The following ITFG1 variants were observed in gnomAD, a reference collection of about 807,000 sequenced individuals.
The protein encoded by ITFG1 is T-cell immunomodulatory protein.
In ITFG1, 34 loss-of-function variants were observed where a neutral mutation model predicts 81.8. That is an observed-to-expected ratio of 0.42 (90% CI 0.32 to 0.55). The LOEUF (loss-of-function observed/expected upper bound fraction) is 0.55. Among genes scored for constraint, ITFG1 ranks in the 20% least tolerant of loss-of-function variants. The pLI, the probability that ITFG1 is intolerant of heterozygous loss-of-function variation, is 0.17. For synonymous variants in ITFG1, 285 were observed against 270.6 expected (o/e 1.05, Z -0.52); for missense variants, 672 against 755.4 (o/e 0.89, Z 1.29).
chr16:47,164,074 A>G (rs932899982), intron 14 of ITFG1, among the ~76,000 whole-genome samples: 6 of 151,982 alleles, frequency 3.9e-5, no homozygotes, highest in Admixed American at 2.0e-4. Flanking sequence ...TGTATGTCTT[A>G]TAATTTTTGT....
In ITFG1 at chr16:47,313,761, T is replaced by C. The variant is rs1567456332; in HGVS notation, c.865A>G (p.Thr289Ala). ...GCEDKNCQKS[T>A]IYLVRSGMKQ... ...ATCCCAGATCTCACTAAGTAGATGG[T>C]ACTCTTTTGGCAATTTTTATCTTCA... The change falls in exon 9 of 18, where the codon ACC becomes GCC. Residue 289 changes from threonine to alanine, a missense_variant. Physicochemically the swap from Thr to Ala is moderately conservative, Grantham distance 58. Transcript: ENST00000320640. The C allele has an allele frequency of 1.2e-6, 2 of 1,606,692 alleles. No homozygotes were observed. Among genetic ancestry groups the C allele is most frequent in the East Asian group, 2.2e-5 (1 of 44,626 alleles).
chr16:47,351,970 A>G (rs570745996), intron 8 of ITFG1, among the ~76,000 whole-genome samples: 156 of 152,356 alleles, frequency 1.0e-3, no homozygotes, highest in Non-Finnish European at 1.6e-3. Flanking sequence ...AGGATTCCGT[A>G]TTTAACAAAT....
chr16:47,198,539 T>C (rs1026895433), intron 14 of ITFG1, among the ~76,000 whole-genome samples: 1 of 152,246 alleles, frequency 6.6e-6, no homozygotes, highest in Non-Finnish European at 1.5e-5. Flanking sequence ...ACTGTACTTT[T>C]AATCATTCTT....
chr16:47,275,939 T>C lies in ITFG1; in HGVS notation c.1071-15244A>G, dbSNP rs1489181130. Among the ~76,000 whole-genome samples, 3 of 152,116 alleles carry C rather than the reference T, an allele frequency of 2.0e-5. No homozygotes were observed. The East Asian group carries it at 5.8e-4, about 29-fold the overall frequency. The stretch of plus-strand genomic sequence containing the variant: ...TATTTACATTCTATTAAGTCATACA[T>C]GGTTCTGTTACATATTACAAAATAA... On this transcript the variant is annotated intron_variant, in intron 10 of 17. Transcript: ENST00000320640.
chr16:47,270,721 A>T (rs1966329138), intron 10 of ITFG1, among the ~76,000 whole-genome samples: 2 of 152,248 alleles, frequency 1.3e-5, no homozygotes, highest in South Asian at 4.1e-4. Flanking sequence ...ATTCCTCAGG[A>T]ATAATAAGCA....
intron 6 of ITFG1, among the ~76,000 whole-genome samples, chr16:47,416,469 G>GT (rs779850154): frequency 2.0e-5 from 3 of 152,126 alleles, no homozygotes; most frequent in East Asian, 1.9e-4. Flanking sequence ...CAAAAGTTTT[G>GT]TATGTCTGAT....
intron 10 of ITFG1, among the ~76,000 whole-genome samples, chr16:47,263,826 G>GCTAA (rs1333968165): frequency 6.6e-6 from 1 of 152,160 alleles, no homozygotes; most frequent in African/African-American, 2.4e-5. Flanking sequence ...GATTACAAAT[G>GCTAA]TCTTAGAGCT....
At chr16:47,386,566 G>T (rs1460974868) in intron 6 of ITFG1, among the ~76,000 whole-genome samples, 1 of 152,236 alleles carries the variant, frequency 6.6e-6, no homozygotes, top group Non-Finnish European at 1.5e-5. Context: ...CATCTCTCGT[G>T]CAGCACACTA....
Position 47,232,637 on chromosome 16 carries a change from GT to G in ITFG1, c.1374+5327del, listed in dbSNP as rs200391263. Among the ~76,000 whole-genome samples the G allele has an allele frequency of 7.6e-3, 1,100 of 144,990 alleles. 11 individuals are homozygous for G. Among genetic ancestry groups the G allele is most frequent in the Middle Eastern group, 0.04 (11 of 276 alleles). On this transcript the variant is annotated intron_variant, in intron 13 of 17. Coordinates refer to ENST00000320640, the MANE Select transcript of ITFG1 (RefSeq NM_030790.5). ...CAAGAATTTTATGTTATTTGTTCTT[GT>G]TTTTTTTTTTTCTTTTTTCTTTTTT...
At chr16:47,455,285 T>C (rs890975209) in intron 2 of ITFG1, among the ~76,000 whole-genome samples, 1 of 151,730 alleles carries the variant, frequency 6.6e-6, no homozygotes, top group African/African-American at 2.4e-5. Flanking sequence ...ACTTTGACTA[T>C]TAAAGAGAGC....
chr16:47,157,395 C>A (rs1362934215), intron 17 of ITFG1, among the ~76,000 whole-genome samples: 2 of 152,154 alleles, frequency 1.3e-5, no homozygotes, highest in African/African-American at 4.8e-5. Context: ...TGAGATACCA[C>A]AGTGCCACAG....
At chr16:47,203,047 C>T (rs1046887414) in intron 14 of ITFG1, among the ~76,000 whole-genome samples, 8 of 152,108 alleles carry the variant, frequency 5.3e-5, no homozygotes, top group Non-Finnish European at 1.2e-4. Context: ...GATATTTGTA[C>T]ACCCATGTTT....
At chr16:47,307,338 T>C (rs1421616872) in intron 10 of ITFG1, among the ~76,000 whole-genome samples, 2 of 152,086 alleles carry the variant, frequency 1.3e-5, no homozygotes, top group Non-Finnish European at 2.9e-5. Context: ...TTAATATATC[T>C]CCATTGGAAT....
At chr16:47,324,585 GA>G (rs1967501782) in intron 8 of ITFG1, among the ~76,000 whole-genome samples, 1 of 152,176 alleles carries the variant, frequency 6.6e-6, no homozygotes, top group East Asian at 1.9e-4. Flanking sequence ...CTGTATTCAG[GA>G]AACTCATCTC....
chr16:47,262,449 A>T (rs1966221067), intron 10 of ITFG1, among the ~76,000 whole-genome samples: 1 of 152,246 alleles, frequency 6.6e-6, no homozygotes. Flanking sequence ...GAGATGTAGC[A>T]CACTCTGTTA....
chr16:47,460,874 A>ATCTC lies in ITFG1; in HGVS notation c.171_172insGAGA (p.Ser58GlufsTer16). ...ACGAAGAGATCCGTCTGCTTGTCGG[A>ATCTC]GTTGAGGTCCCCGAAAGCCGCAAGG... On this transcript the variant is annotated frameshift_variant, in exon 1 of 18. Transcript: ENST00000320640. LOFTEE classifies it high-confidence loss of function. The ATCTC allele has an allele frequency of 1.2e-6, 2 of 1,613,584 alleles. No individual in the cohort carries two copies. The highest frequency in any genetic ancestry group is 1.7e-6 in the Non-Finnish European group (2 of 1,179,962).
At chr16:47,354,967 G>A (rs1968018271) in intron 8 of ITFG1, among the ~76,000 whole-genome samples, 1 of 152,102 alleles carries the variant, frequency 6.6e-6, no homozygotes, top group South Asian at 2.1e-4. Flanking sequence ...CAGCCATTAT[G>A]TAAAACAGTA....
chr16:47,265,103 CTAT>C lies in ITFG1; in HGVS notation c.1071-4411_1071-4409del, dbSNP rs140472658. On this transcript the variant is annotated intron_variant, in intron 10 of 17. Transcript: ENST00000320640. ...TAGCACAGTACACATTTAATAACTG[CTAT>C]TATTATTATTATTATTATTATGTAC... 3.8e-3 allele frequency among the ~76,000 whole-genome samples: 576 copies of C among 150,108 alleles called. 3 individuals carry two copies. Among genetic ancestry groups the C allele is most frequent in the Middle Eastern group, 6.9e-3 (2 of 290 alleles).
chr16:47,373,090 A>C (rs1405765224), intron 7 of ITFG1, among the ~76,000 whole-genome samples: 2 of 152,156 alleles, frequency 1.3e-5, no homozygotes, highest in African/African-American at 4.8e-5. Flanking sequence ...GCTCTTGCTG[A>C]TCTTGTATAA....
Sources: gnomAD v4.1 joint callset for allele counts (sites outside exome capture counted in the v4.1 genomes callset) on GRCh38, gnomAD v4.1.1 for gene constraint, MANE v1.5 for transcripts, NCBI Gene and HGNC (gene_info 2026-07-23, HGNC 2026-07-21) for gene names.